Variants in PDE7B observed in about 807,000 individuals in gnomAD.
The protein encoded by PDE7B is 3',5'-cyclic-AMP phosphodiesterase 7B.
A neutral mutation model predicts 56.2 loss-of-function variants in PDE7B; 29 were observed. That is an observed-to-expected ratio of 0.52 (90% confidence interval 0.38 to 0.70). The LOEUF (loss-of-function observed/expected upper bound fraction) is 0.70. Ranked by LOEUF, PDE7B falls within the 30% of genes least tolerant of loss-of-function variation. PDE7B has a pLI of 0.00. For synonymous variants in PDE7B, 197 were observed against 196.9 expected (o/e 1.00, Z 0.00); for missense variants, 490 against 565.0 (o/e 0.87, Z 1.35).
At chr6:136,005,870 A>G (rs1305886510) in intron 2 of PDE7B, among the ~76,000 whole-genome samples, 3 of 152,130 alleles carry the variant, frequency 2.0e-5, no homozygotes, top group African/African-American at 7.2e-5. Context: ...TACCCAAAGG[A>G]CTATAAATCA....
In PDE7B at chr6:135,890,721, A is replaced by G. The variant is rs150166434; in HGVS notation, c.21+38702A>G. Among the ~76,000 whole-genome samples the G allele has an allele frequency of 4.4e-3, 676 of 152,252 alleles. 12 individuals are homozygous for G. Among genetic ancestry groups the G allele is most frequent in the South Asian group, 0.02 (97 of 4,820 alleles). On this transcript the variant is annotated intron_variant, in intron 1 of 12. Coordinates refer to ENST00000308191, the MANE Select transcript of PDE7B (RefSeq NM_018945.4). ...ATTTTGTTGATGCAAGGCAAGTTGC[A>G]CTAAGTTTAGGAAAGCAAAAAGATA...
intron 1 of PDE7B, among the ~76,000 whole-genome samples, chr6:135,918,031 G>A (rs1396199921): frequency 3.3e-5 from 5 of 152,170 alleles, no homozygotes; most frequent in African/African-American, 7.2e-5. Flanking sequence ...GGACATGAAC[G>A]AGGAGGTTAA....
chr6:136,133,272 C>CA (rs776299522), intron 3 of PDE7B, among the ~76,000 whole-genome samples: 178 of 134,096 alleles, frequency 1.3e-3, no homozygotes, highest in Middle Eastern at 3.7e-3. Context: ...AAGGGGCTGC[C>CA]AAAAAAAAAA....
chr6:136,148,773 G>C (rs758711471), intron 4 of PDE7B, among the ~76,000 whole-genome samples: 2 of 152,184 alleles, frequency 1.3e-5, no homozygotes, highest in Middle Eastern at 3.2e-3. Context: ...CAGAGGGCTG[G>C]AAGTCCAGCT....
chr6:135,896,529 G>C (rs955916868), intron 1 of PDE7B, among the ~76,000 whole-genome samples: 2 of 152,062 alleles, frequency 1.3e-5, no homozygotes, highest in African/African-American at 2.4e-5. Context: ...TTATTGGGTA[G>C]CCACTGTATG....
chr6:135,929,753 A>G (rs1774259869), intron 1 of PDE7B, among the ~76,000 whole-genome samples: 1 of 152,184 alleles, frequency 6.6e-6, no homozygotes, highest in South Asian at 2.1e-4. Flanking sequence ...TGGTGCTACG[A>G]GGGCGTTTAG....
chr6:136,000,860 C>A (rs1011870385), intron 2 of PDE7B, among the ~76,000 whole-genome samples: 1 of 152,040 alleles, frequency 6.6e-6, no homozygotes, highest in South Asian at 2.1e-4. Flanking sequence ...TGTCCCAGCA[C>A]GCAGCTGGAG....
At chr6:136,067,797 C>T (rs1004092942) in intron 2 of PDE7B, among the ~76,000 whole-genome samples, 1 of 152,086 alleles carries the variant, frequency 6.6e-6, no homozygotes, top group African/African-American at 2.4e-5. Context: ...CCTTGTGGAT[C>T]GCTAATTGGA....
chr6:136,060,853 C>T (rs1239269841), intron 2 of PDE7B, among the ~76,000 whole-genome samples: 1 of 152,160 alleles, frequency 6.6e-6, no homozygotes, highest in African/African-American at 2.4e-5. Context: ...ACTTCATTTG[C>T]TTCATTTGAT....
At chr6:135,913,592 G>T (rs1188819705) in intron 1 of PDE7B, among the ~76,000 whole-genome samples, 1 of 151,952 alleles carries the variant, frequency 6.6e-6, no homozygotes, top group Non-Finnish European at 1.5e-5. Flanking sequence ...TAGGTACCTT[G>T]ATTCAAAAAG....
At chr6:136,077,176 G>A (rs1203750141) in intron 2 of PDE7B, among the ~76,000 whole-genome samples, 1 of 151,806 alleles carries the variant, frequency 6.6e-6, no homozygotes, top group Non-Finnish European at 1.5e-5. Context: ...AGGACCAGGA[G>A]GACAATGACA....
intron 1 of PDE7B, among the ~76,000 whole-genome samples, chr6:135,917,994 C>G (rs1773989863): frequency 6.6e-6 from 1 of 152,216 alleles, no homozygotes; most frequent in African/African-American, 2.4e-5. Flanking sequence ...AATAGAGCTA[C>G]ATTGTTGTAC....
intron 1 of PDE7B, among the ~76,000 whole-genome samples, chr6:135,873,195 A>G (rs1374357090): frequency 6.6e-6 from 1 of 152,114 alleles, no homozygotes; most frequent in Non-Finnish European, 1.5e-5. Context: ...AACTCCCTTC[A>G]CTTTTCTCTA....
At chr6:135,863,633 T>C (rs537059116) in intron 1 of PDE7B, among the ~76,000 whole-genome samples, 12 of 151,744 alleles carry the variant, frequency 7.9e-5, no homozygotes, top group Non-Finnish European at 1.3e-4. Context: ...TAAACAATTT[T>C]AGAACTGTTG....
At position 135,851,725 on chromosome 6, in the gene PDE7B, C is replaced by G; in HGVS notation, c.-274C>G. On this transcript the variant is annotated 5_prime_UTR_variant, in exon 1 of 13. Coordinates refer to ENST00000308191, the MANE Select transcript of PDE7B (RefSeq NM_018945.4). ...CAGTTGGTCTGGGCACTGCAGCAGG[C>G]TCGGCTCTGTCCCAGCACTTGTCTG... The G allele has an allele frequency of 2.5e-6, 1 of 403,442 alleles. No homozygotes were observed. The highest frequency in any genetic ancestry group is 4.4e-6 in the Non-Finnish European group (1 of 225,918). The allele number at this position is 403,442 out of a possible 1,614,324, so 25.0% of individuals were successfully genotyped here. A position where few individuals can be genotyped will look rare whatever the true frequency, so the allele number is the denominator to read the frequency against.
intron 1 of PDE7B, among the ~76,000 whole-genome samples, chr6:135,856,085 T>C (rs1385609127): frequency 3.3e-5 from 5 of 152,208 alleles, no homozygotes; most frequent in African/African-American, 1.2e-4. Context: ...TTTCCACTAC[T>C]CTCTGTGTAG....
intron 2 of PDE7B, among the ~76,000 whole-genome samples, chr6:136,084,046 T>G (rs1341168210): frequency 6.6e-6 from 1 of 152,170 alleles, no homozygotes; most frequent in Non-Finnish European, 1.5e-5. Context: ...ATGTAACAAT[T>G]TTGACTTCAA....
chr6:136,121,068 G>A (rs1777926122), intron 3 of PDE7B, among the ~76,000 whole-genome samples: 1 of 152,116 alleles, frequency 6.6e-6, no homozygotes, highest in Admixed American at 6.5e-5. Context: ...GTCTAGCAGT[G>A]GAAACAAGTT....
At position 136,063,409 on chromosome 6, in the gene PDE7B, C is replaced by T. The variant is rs77061466; in HGVS notation, c.83-45322C>T. ...AAAAATCAAAGGAACTATGTATACTCATTAATATTTTTCCCATCCGTATCC... is the reference window on the plus strand; with the variant it reads ...AAAAATCAAAGGAACTATGTATACTTATTAATATTTTTCCCATCCGTATCC... On this transcript the variant is annotated intron_variant, in intron 2 of 12. Transcript: ENST00000308191. Among the ~76,000 whole-genome samples, 874 of 152,318 alleles carry T rather than the reference C, an allele frequency of 5.7e-3. 2 individuals are homozygous for T. Among genetic ancestry groups the T allele is most frequent in the Non-Finnish European group, 9.2e-3 (625 of 68,030 alleles).
Sources: allele counts gnomAD v4.1 joint callset (sites outside exome capture counted in the v4.1 genomes callset), GRCh38; gene constraint gnomAD v4.1.1; transcripts MANE v1.5; gene names NCBI Gene and HGNC (gene_info 2026-07-23, HGNC 2026-07-21).